PLCXD3: variants seen among roughly 807,000 people sequenced by gnomAD.
PLCXD3 encodes the protein phosphatidylinositol specific phospholipase C X domain containing 3.
A neutral mutation model predicts 25.5 loss-of-function variants in PLCXD3; 19 were observed. That is an observed-to-expected ratio of 0.75 (90% confidence interval 0.52 to 1.09). The LOEUF is 1.09. Among genes scored for constraint, PLCXD3 ranks in the 50% least tolerant of loss-of-function variants. PLCXD3 has a pLI of 0.00. For synonymous variants in PLCXD3, 174 were observed against 137.6 expected (o/e 1.26, Z -1.85); for missense variants, 411 against 388.1 (o/e 1.06, Z -0.50).
At chr5:41,396,354 G>A (rs569345439) in intron 1 of PLCXD3, among the ~76,000 whole-genome samples, 4 of 151,946 alleles carry the variant, frequency 2.6e-5, no homozygotes, top group Non-Finnish European at 5.9e-5. Flanking sequence ...GCTCCACCAT[G>A]GTAAGACATG....
intron 1 of PLCXD3, among the ~76,000 whole-genome samples, chr5:41,448,466 T>C (rs148270457): frequency 1.8e-3 from 274 of 152,330 alleles, no homozygotes; most frequent in South Asian, 1.2e-3. Flanking sequence ...AGAAAATTGA[T>C]AGAATTAGAG....
intron 2 of PLCXD3, among the ~76,000 whole-genome samples, chr5:41,362,258 T>C (rs1744804282): frequency 6.6e-6 from 1 of 152,224 alleles, no homozygotes; most frequent in Non-Finnish European, 1.5e-5. Flanking sequence ...AAAAGAATTA[T>C]ATAATTTCAG....
At chr5:41,424,402 T>C (rs1163476760) in intron 1 of PLCXD3, among the ~76,000 whole-genome samples, 5 of 152,060 alleles carry the variant, frequency 3.3e-5, no homozygotes, top group African/African-American at 1.2e-4. Context: ...TAGCCGGGTG[T>C]GGTGGTGCAT....
chr5:41,348,073 A>G (rs1192057947), intron 2 of PLCXD3, among the ~76,000 whole-genome samples: 1 of 152,202 alleles, frequency 6.6e-6, no homozygotes, highest in African/African-American at 2.4e-5. Flanking sequence ...ACTTTTTCCA[A>G]GTTATTAGTT....
intron 2 of PLCXD3, among the ~76,000 whole-genome samples, chr5:41,377,370 T>C (rs1745328727): frequency 6.6e-6 from 1 of 151,990 alleles, no homozygotes; most frequent in Non-Finnish European, 1.5e-5. Flanking sequence ...TGTACAAATA[T>C]GGTCTAATTT....
chr5:41,478,347 G>T (rs1748325089), intron 1 of PLCXD3, among the ~76,000 whole-genome samples: 1 of 152,016 alleles, frequency 6.6e-6, no homozygotes, highest in African/African-American at 2.4e-5. Context: ...TTTTACTATG[G>T]ATATCATCAA....
intron 2 of PLCXD3, among the ~76,000 whole-genome samples, chr5:41,321,935 G>A (rs2150470268): frequency 6.6e-6 from 1 of 152,190 alleles, no homozygotes; most frequent in East Asian, 1.9e-4. Context: ...AGATCAAAAT[G>A]GATTAAAGAC....
At chr5:41,377,987 T>G (rs1745346707) in intron 2 of PLCXD3, among the ~76,000 whole-genome samples, 1 of 152,044 alleles carries the variant, frequency 6.6e-6, no homozygotes, top group South Asian at 2.1e-4. Context: ...CAGAAGAACT[T>G]ACTACACCTT....
intron 1 of PLCXD3, among the ~76,000 whole-genome samples, chr5:41,494,202 C>A (rs1748785852): frequency 6.6e-6 from 1 of 152,196 alleles, no homozygotes; most frequent in Non-Finnish European, 1.5e-5. Context: ...CTCAAGCAAT[C>A]ATTCTGCCTC....
chr5:41,502,140 A>G (rs921124881), intron 1 of PLCXD3, among the ~76,000 whole-genome samples: 3 of 152,114 alleles, frequency 2.0e-5, no homozygotes, highest in African/African-American at 7.2e-5. Flanking sequence ...AACAGATTTG[A>G]GTGGATGGGA....
chr5:41,338,333 A>C (rs187835622), intron 2 of PLCXD3, among the ~76,000 whole-genome samples: 13 of 152,278 alleles, frequency 8.5e-5, no homozygotes, highest in African/African-American at 2.9e-4. Context: ...CCATTATCAT[A>C]TTAAGAACAT....
chr5:41,489,505 G>T (rs1238324316), intron 1 of PLCXD3, among the ~76,000 whole-genome samples: 2 of 152,154 alleles, frequency 1.3e-5, no homozygotes, highest in Admixed American at 1.3e-4. Flanking sequence ...CCTTGAATCT[G>T]TAAATTACCT....
At chr5:41,468,612 A>T (rs866639545) in intron 1 of PLCXD3, among the ~76,000 whole-genome samples, 1 of 152,196 alleles carries the variant, frequency 6.6e-6, no homozygotes, top group Non-Finnish European at 1.5e-5. Flanking sequence ...ATTTACAACT[A>T]AGTATTTAAA....
chr5:41,371,931 G>T (rs1002241029), intron 2 of PLCXD3, among the ~76,000 whole-genome samples: 1 of 152,046 alleles, frequency 6.6e-6, no homozygotes, highest in Non-Finnish European at 1.5e-5. Context: ...TTCATCTACT[G>T]ATATCTCATG....
At chr5:41,503,157 C>CAAG (rs1748987557) in intron 1 of PLCXD3, among the ~76,000 whole-genome samples, 2 of 152,268 alleles carry the variant, frequency 1.3e-5, no homozygotes, top group African/African-American at 4.8e-5. Context: ...ACTAGGACTG[C>CAAG]AAGTGCAGTC....
chr5:41,459,459 T>C (rs1265519337), intron 1 of PLCXD3, among the ~76,000 whole-genome samples: 1 of 151,866 alleles, frequency 6.6e-6, no homozygotes, highest in Non-Finnish European at 1.5e-5. Context: ...GAATAAATAC[T>C]TCATTATGGG....
At chr5:41,399,839 C>T (rs1746124175) in intron 1 of PLCXD3, among the ~76,000 whole-genome samples, 1 of 152,060 alleles carries the variant, frequency 6.6e-6, no homozygotes, top group Non-Finnish European at 1.5e-5. Flanking sequence ...CAAACATGGA[C>T]ATATGGGATC....
chr5:41,404,292 G>A (rs947423605), intron 1 of PLCXD3, among the ~76,000 whole-genome samples: 2 of 152,000 alleles, frequency 1.3e-5, no homozygotes, highest in African/African-American at 4.8e-5. Flanking sequence ...AGGAACAAGT[G>A]GAACCATGTG....
intron 1 of PLCXD3, among the ~76,000 whole-genome samples, chr5:41,433,616 T>C (rs1747167902): frequency 1.3e-5 from 2 of 152,202 alleles, no homozygotes; most frequent in African/African-American, 4.8e-5. Context: ...AAATGAGACC[T>C]GAGCCCTTGG....
Sources: gnomAD v4.1 joint callset for allele counts (sites outside exome capture counted in the v4.1 genomes callset) on GRCh38, gnomAD v4.1.1 for gene constraint, MANE v1.5 for transcripts, NCBI Gene and HGNC (gene_info 2026-07-23, HGNC 2026-07-21) for gene names.